The following RPH3A variants were observed in gnomAD, a reference collection of about 807,000 sequenced individuals.
RPH3A encodes rabphilin-3A.
A neutral mutation model predicts 102.2 loss-of-function variants in RPH3A; 48 were observed. That is an observed-to-expected ratio of 0.47 (90% CI 0.37 to 0.60). The LOEUF (loss-of-function observed/expected upper bound fraction) is 0.60, where lower values mean the gene tolerates loss of function less well. Ranked by LOEUF, RPH3A falls within the 20% of genes least tolerant of loss-of-function variation. RPH3A has a pLI of 0.00. For missense variants in RPH3A, 781 were observed against 910.1 expected (o/e 0.86, Z 1.83); for synonymous variants, 310 against 324.3 (o/e 0.96, Z 0.47).
At chr12:112,770,614 A>G (rs1045076766) in intron 1 of RPH3A, among the ~76,000 whole-genome samples, 1 of 152,098 alleles carries the variant, frequency 6.6e-6, no homozygotes, top group Non-Finnish European at 1.5e-5. Context: ...AAAGTGTTGC[A>G]GTTGCTAGGC....
chr12:112,819,442 GC>G (rs2041738518), intron 2 of RPH3A, among the ~76,000 whole-genome samples: 1 of 152,098 alleles, frequency 6.6e-6, no homozygotes, highest in Non-Finnish European at 1.5e-5. Flanking sequence ...TTTTACAGAT[GC>G]AAAACTTGCT....
chr12:112,879,306 C>T lies in RPH3A; in HGVS notation c.1251+108C>T, dbSNP rs1260099930. 5 of 941,952 alleles carry T rather than the reference C, an allele frequency of 5.3e-6. No individual in the cohort carries two copies. In the Admixed American group the frequency reaches 6.9e-5, roughly 13 times the overall value. 58.3% of individuals were successfully genotyped at this position (941,952 alleles called of 1,614,324 possible). A position where few individuals can be genotyped will look rare whatever the true frequency, so the allele number is the denominator to read the frequency against. On this transcript the variant is annotated intron_variant, in intron 14 of 21. Transcript: ENST00000389385. The stretch of plus-strand genomic sequence containing the variant: ...CTGTCTCCTGTTGTTGCTTGTCTAT[C>T]GATGATAGTGACGGTGATGAGAAGA...
chr12:112,770,836 T>C (rs548910552), intron 1 of RPH3A, among the ~76,000 whole-genome samples: 104 of 152,262 alleles, frequency 6.8e-4, no homozygotes, highest in African/African-American at 2.3e-3. Context: ...AACGGTAGTG[T>C]GGTGGTATGG....
chr12:112,673,942 T>G (rs1371707754), intron 1 of RPH3A, among the ~76,000 whole-genome samples: 5 of 152,170 alleles, frequency 3.3e-5, no homozygotes, highest in African/African-American at 1.2e-4. Flanking sequence ...CATGCAATAT[T>G]GAGATGGATT....
chr12:112,834,887 A>ACTTAC (rs10690135), intron 3 of RPH3A, among the ~76,000 whole-genome samples: 119,398 of 151,506 alleles, frequency 0.79, 47,809 homozygotes, highest in African/African-American at 0.94. Flanking sequence ...CAAGTCTGTT[A>ACTTAC]CTTTCCTTTT....
intron 1 of RPH3A, among the ~76,000 whole-genome samples, chr12:112,746,742 T>C (rs1040448983): frequency 6.6e-6 from 1 of 152,198 alleles, no homozygotes; most frequent in Non-Finnish European, 1.5e-5. Flanking sequence ...TCTCTGTCTC[T>C]GTCTGTCTTG....
chr12:112,737,154 C>CA (rs57703782), intron 1 of RPH3A, among the ~76,000 whole-genome samples: 59,763 of 117,032 alleles, frequency 0.51, 14,002 homozygotes, highest in East Asian at 0.78. Flanking sequence ...GACCCTGTCT[C>CA]AAAAAAAAAA....
chr12:112,631,633 C>T (rs954845588), intron 1 of RPH3A, among the ~76,000 whole-genome samples: 1 of 152,094 alleles, frequency 6.6e-6, no homozygotes, highest in Non-Finnish European at 1.5e-5. Context: ...AGTGATCCTC[C>T]TGCCTCAGCC....
intron 3 of RPH3A, 62 bp downstream of exon 3, chr12:112,828,451 A>G: frequency 8.1e-7 from 1 of 1,239,454 alleles, no homozygotes; most frequent in Non-Finnish European, 1.1e-6. Flanking sequence ...TGACAATTCT[A>G]CACTTGAAAA....
chr12:112,895,875 T>C lies in RPH3A; in HGVS notation c.1954+2T>C, dbSNP rs2043171286. ...TCGGCAAGTCCAATGATTACATCGG[T>C]GAGTGTTCCTAACTCCAGAGAAAAC... On this transcript the variant is annotated splice_donor_variant, in intron 21 of 21. Coordinates refer to ENST00000389385, the MANE Select transcript of RPH3A (RefSeq NM_001143854.2). LOFTEE classifies it high-confidence loss of function. The C allele has an allele frequency of 6.2e-7, 1 of 1,604,744 alleles. No individual in the cohort carries two copies. Among genetic ancestry groups the C allele is most frequent in the African/African-American group, 1.3e-5 (1 of 74,752 alleles).
chr12:112,788,938 C>T (rs1185248081), upstream of RPH3A, among the ~76,000 whole-genome samples: 2 of 152,126 alleles, frequency 1.3e-5, no homozygotes, highest in African/African-American at 2.4e-5. Context: ...GTGGGCAGGT[C>T]GCTTGAGGTC....
At chr12:112,757,800 A>G (rs2384032) in intron 1 of RPH3A, among the ~76,000 whole-genome samples, 118,526 of 152,112 alleles carry the variant, frequency 0.78, 47,186 homozygotes, top group African/African-American at 0.94. Flanking sequence ...GTGGCAGGTT[A>G]ACATCCTACT....
In RPH3A at chr12:112,847,743, A is replaced by G; in HGVS notation, c.131A>G (p.Gln44Arg). 6.2e-7 allele frequency: 1 copy of G among 1,614,190 alleles called. No homozygotes were observed. The highest frequency in any genetic ancestry group is 8.5e-7 in the Non-Finnish European group (1 of 1,180,006). ...CACCCCGGTGGTCAGCCTGACAGGC[A>G]GAGGAAGCAGGAAGAGCTGACTGAT... is the stretch of plus-strand genomic sequence containing the variant. ...SVHPGGQPDR[Q>R]RKQEELTDEE... is the part of the protein sequence containing the mutation. Residue 44 changes from glutamine (Q) to arginine (R), a missense_variant, in exon 5 of 22, where the codon CAG becomes CGG. By Grantham distance (43) the Gln-to-Arg change is conservative. Transcript: ENST00000389385.
intron 1 of RPH3A, among the ~76,000 whole-genome samples, chr12:112,717,464 T>C (rs2040521474): frequency 6.6e-6 from 1 of 152,126 alleles, no homozygotes; most frequent in African/African-American, 2.4e-5. Flanking sequence ...TAATTATATA[T>C]ACTTTCTGTG....
intron 2 of RPH3A, among the ~76,000 whole-genome samples, chr12:112,809,402 C>G (rs1382379710): frequency 6.6e-6 from 1 of 152,050 alleles, no homozygotes; most frequent in Non-Finnish European, 1.5e-5. Flanking sequence ...ATTGCAGGCT[C>G]CTCTGTGTGG....
intron 1 of RPH3A, among the ~76,000 whole-genome samples, chr12:112,609,917 G>GGA (rs2039625669): frequency 6.6e-6 from 1 of 152,174 alleles, no homozygotes; most frequent in African/African-American, 2.4e-5. Context: ...TGAACCACTG[G>GGA]AATAGTTGTT....
In RPH3A at chr12:112,681,551, T is replaced by C. The variant is rs181204631; in HGVS notation, c.-140+106232T>C. ...GCCACCACCATCTCTTCCCGAATGCTTCAATAACCTCCTAACTGCCTTTTC... is the reference window on the plus strand; with the variant it reads ...GCCACCACCATCTCTTCCCGAATGCCTCAATAACCTCCTAACTGCCTTTTC... On this transcript the variant is annotated intron_variant, in intron 1 of 21. Coordinates refer to the RPH3A transcript ENST00000543106. Among the ~76,000 whole-genome samples the C allele has an allele frequency of 2.1e-3, 315 of 152,320 alleles. 1 individual carries two copies. Among genetic ancestry groups the C allele is most frequent in the African/African-American group, 7.4e-3 (306 of 41,580 alleles).
intron 2 of RPH3A, among the ~76,000 whole-genome samples, chr12:112,825,750 G>A (rs1367466302): frequency 6.6e-6 from 1 of 152,142 alleles, no homozygotes; most frequent in Non-Finnish European, 1.5e-5. Context: ...CGGCTTACAT[G>A]TTAGCAGGGG....
chr12:112,772,345 G>A (rs144038164), intron 1 of RPH3A, among the ~76,000 whole-genome samples: 1 of 152,264 alleles, frequency 6.6e-6, no homozygotes, highest in East Asian at 1.9e-4. Context: ...TCTCCAAGGC[G>A]AGGGGTTGTC....
Sources: gnomAD v4.1 joint callset for allele counts (sites outside exome capture counted in the v4.1 genomes callset) on GRCh38, gnomAD v4.1.1 for gene constraint, MANE v1.5 for transcripts, NCBI Gene and HGNC (gene_info 2026-07-23, HGNC 2026-07-21) for gene names.